The following NICN1 variants were observed in gnomAD, a reference collection of about 807,000 sequenced individuals.
NICN1 encodes the protein nicolin 1, tubulin polyglutamylase complex subunit.
Under a neutral mutation model 26.3 loss-of-function variants are expected in NICN1, and 18 were observed. The ratio of observed to expected loss-of-function variants is 0.68; its 90% confidence interval spans 0.47 to 1.01. The LOEUF is 1.01. Ranked by LOEUF, NICN1 falls within the 50% of genes least tolerant of loss-of-function variation. The probability of loss-of-function intolerance (pLI) is 0.00; values close to 1 mark genes in which losing one functional copy is unlikely to be tolerated. For synonymous variants in NICN1, 109 were observed against 111.0 expected (o/e 0.98, Z 0.11); for missense variants, 239 against 278.3 (o/e 0.86, Z 1.00).
chr3:49,428,115 G>A (rs1277575888), intron 1 of NICN1, among the ~76,000 whole-genome samples: 1 of 152,084 alleles, frequency 6.6e-6, no homozygotes, highest in African/African-American at 2.4e-5. Flanking sequence ...AGCTACTTGG[G>A]AGGCTGAGGC....
Position 49,424,532 on chromosome 3 carries a change from T to A in NICN1, c.*301A>T. 1.8e-6 allele frequency: 1 copy of A among 548,148 alleles called. No homozygotes were observed. The highest frequency in any genetic ancestry group is 3.3e-6 in the Non-Finnish European group (1 of 305,058). The allele number at this position is 548,148 out of a possible 1,614,324, so 34.0% of individuals were successfully genotyped here. ...AGCAGGCAGAAGACAGGAATGTGCA[T>A]GTTGCCAGAAGGGGCAGAGGGCACT... On this transcript the variant is annotated 3_prime_UTR_variant, in exon 6 of 6. Transcript: ENST00000273598.
Position 49,426,532 on chromosome 3 carries a change from T to C in NICN1, c.133-104A>G, listed in dbSNP as rs893980058. On this transcript the variant is annotated intron_variant, in intron 1 of 5. Coordinates refer to ENST00000273598, the MANE Select transcript of NICN1 (RefSeq NM_032316.3). The stretch of plus-strand genomic sequence containing the variant: ...CTCTTCCTTCTCCCCACCTTTTCTT[T>C]TTTTTTTTTTTTTGAGAGGAAATCT... 2.5e-5 allele frequency: 16 copies of C among 652,956 alleles called. No homozygotes were observed. The Admixed American group carries it at 3.5e-4, about 14-fold the overall frequency. 40.4% of individuals were successfully genotyped at this position (652,956 alleles called of 1,614,324 possible).
intron 1 of NICN1, among the ~76,000 whole-genome samples, chr3:49,427,214 G>A (rs973972777): frequency 1.3e-5 from 2 of 151,936 alleles, no homozygotes; most frequent in African/African-American, 4.8e-5. Flanking sequence ...CCAGCTACTC[G>A]GGAGGCTGAG....
chr3:49,426,425 G>A lies in NICN1; in HGVS notation c.136C>T (p.Gln46Ter). The A allele has an allele frequency of 6.2e-7, 1 of 1,613,804 alleles. No homozygotes were observed. Among genetic ancestry groups the A allele is most frequent in the Non-Finnish European group, 8.5e-7 (1 of 1,179,840 alleles). The change falls in exon 2 of 6, where the codon CAG becomes TAG. Residue 46 changes from glutamine to a stop codon, truncating the protein, a stop_gained. Transcript: ENST00000273598. LOFTEE classifies it high-confidence loss of function. ...TFPSVAPFEL[Q>*]EITFKNYYTA... is the part of the protein sequence containing the mutation. The stretch of plus-strand genomic sequence containing the variant: ...TAGTAATTCTTAAACGTGATTTCCT[G>A]CAACTAGAACACATACAACCCATTA...
intron 1 of NICN1, 44 bp downstream of exon 1, chr3:49,429,064 G>T (rs2049197680): frequency 6.5e-7 from 1 of 1,536,690 alleles, no homozygotes. Context: ...ATTCCAGGTC[G>T]GCCCCGCCCG....
chr3:49,426,225 C>A lies in NICN1; in HGVS notation c.309+27G>T. 3 of 1,610,314 alleles carry A rather than the reference C, an allele frequency of 1.9e-6. No homozygotes were observed. The East Asian group carries it at 6.7e-5, about 36-fold the overall frequency. On this transcript the variant is annotated intron_variant, in intron 2 of 5. Coordinates refer to ENST00000273598, the MANE Select transcript of NICN1 (RefSeq NM_032316.3). ...CTCTGGTAAGTCCTCATCTGGGCTG[C>A]CCTGGCCATCCTGAGGCCCAGCTGA... is the stretch of plus-strand genomic sequence containing the variant.
At chr3:49,428,128 G>A (rs1308225160) in intron 1 of NICN1, among the ~76,000 whole-genome samples, 1 of 151,958 alleles carries the variant, frequency 6.6e-6, no homozygotes, top group Non-Finnish European at 1.5e-5. Context: ...GCTGAGGCAG[G>A]ATAATTGCCT....
intron 2 of NICN1, 74 bp from the exon 3 acceptor site, chr3:49,426,070 G>A (rs1001443033): frequency 1.7e-6 from 2 of 1,164,616 alleles, no homozygotes; most frequent in African/African-American, 3.0e-5. Flanking sequence ...CAATGAGCCA[G>A]AATGCTGCCC....
At position 49,422,936 on chromosome 3, in the gene NICN1, C is replaced by G; in HGVS notation, c.*1897G>C. On this transcript the variant is annotated 3_prime_UTR_variant, in exon 6 of 6. Transcript: ENST00000273598. The stretch of plus-strand genomic sequence containing the variant: ...TCTCCCACCAGGCAGACACAGGCAG[C>G]CAGCAGTCATGCATTCCACAAGTAT... 3.5e-6 allele frequency: 1 copy of G among 287,524 alleles called. No individual in the cohort carries two copies. Among genetic ancestry groups the G allele is most frequent in the Non-Finnish European group, 7.0e-6 (1 of 143,506 alleles). 17.8% of individuals were successfully genotyped at this position (287,524 alleles called of 1,614,324 possible).
At position 49,426,424 on chromosome 3, in the gene NICN1, T is replaced by G. The variant is rs2107942282; in HGVS notation, c.137A>C (p.Gln46Pro). Residue 46 changes from glutamine (Q) to proline (P), a missense_variant, in exon 2 of 6, where the codon CAG becomes CCG. Physicochemically the swap from Gln to Pro is moderately conservative, Grantham distance 76 (BLOSUM62 -1). Transcript: ENST00000273598. ...GTAGTAATTCTTAAACGTGATTTCC[T>G]GCAACTAGAACACATACAACCCATT... Reference protein sequence around the residue: ...TFPSVAPFELQEITFKNYYTA... With the variant: ...TFPSVAPFELPEITFKNYYTA... The G allele has an allele frequency of 6.2e-7, 1 of 1,613,876 alleles. No homozygotes were observed. The highest frequency in any genetic ancestry group is 8.5e-7 in the Non-Finnish European group (1 of 1,179,846).
chr3:49,426,781 C>T (rs1431155580), intron 1 of NICN1, among the ~76,000 whole-genome samples: 1 of 152,140 alleles, frequency 6.6e-6, no homozygotes, highest in Non-Finnish European at 1.5e-5. Flanking sequence ...CCACCTGCCT[C>T]TTCCCCTTTC....
intron 1 of NICN1, among the ~76,000 whole-genome samples, chr3:49,427,337 A>G (rs1181603318): frequency 3.3e-5 from 5 of 150,860 alleles, no homozygotes; most frequent in Non-Finnish European, 5.9e-5. Context: ...AAAAAAAAAA[A>G]GAGATGTAGA....
In NICN1 at chr3:49,425,206, C is replaced by T. The variant is rs112815701; in HGVS notation, c.496-153G>A. ...ACATGAGGTTAGGGCCTGATGTAGC[C>T]CCACAACAGAGATGCCTCAAATCCC... On this transcript the variant is annotated intron_variant, in intron 4 of 5. Coordinates refer to ENST00000273598, the MANE Select transcript of NICN1 (RefSeq NM_032316.3). 5.1e-5 allele frequency: 42 copies of T among 817,164 alleles called. 2 individuals carry two copies. Among genetic ancestry groups the T allele is most frequent in the African/African-American group, 3.7e-4 (22 of 59,012 alleles). 50.6% of individuals were successfully genotyped at this position (817,164 alleles called of 1,614,324 possible).
In NICN1 at chr3:49,429,295, C is replaced by G. The variant is rs1389857998; in HGVS notation, c.-56G>C. On this transcript the variant is annotated 5_prime_UTR_variant, in exon 1 of 6. Coordinates refer to ENST00000273598, the MANE Select transcript of NICN1 (RefSeq NM_032316.3). ...CCGCTCTAGGCCCCCGACCACCAGC[C>G]CTTCCCGGCATCCTCAGCCGAGCCT... 6.6e-7 allele frequency: 1 copy of G among 1,522,828 alleles called. No individual in the cohort carries two copies. The highest frequency in any genetic ancestry group is 8.8e-7 in the Non-Finnish European group (1 of 1,130,426). The allele number at this position is 1,522,828 out of a possible 1,614,324, so 94.3% of individuals were successfully genotyped here.
intron 1 of NICN1, among the ~76,000 whole-genome samples, chr3:49,428,068 A>T (rs545939368): frequency 1.5e-4 from 23 of 151,876 alleles, no homozygotes; most frequent in Non-Finnish European, 3.1e-4. Flanking sequence ...AAAATACAAA[A>T]ATTTAGCCGG....
In NICN1 at chr3:49,429,218, A is replaced by C. The variant is rs2049199409; in HGVS notation, c.22T>G (p.Cys8Gly). The change falls in exon 1 of 6, where the codon TGC (cysteine) becomes GGC (glycine). Residue 8 changes from cysteine (C) to glycine (G), a missense_variant. Coordinates refer to ENST00000273598, the MANE Select transcript of NICN1 (RefSeq NM_032316.3). ...AGGGCTACGGAGCCTTTCACATGGC[A>C]AGGCACCAAAACGCGGGACATGGTG... MSRVLVP[C>G]HVKGSVALQV... 1 of 1,607,018 alleles carries C rather than the reference A, an allele frequency of 6.2e-7. No homozygotes were observed. The highest frequency in any genetic ancestry group is 1.3e-5 in the African/African-American group (1 of 74,372).
In NICN1 at chr3:49,429,232, C is replaced by T. The variant is rs1300459614; in HGVS notation, c.8G>A (p.Arg3His). The change falls in exon 1 of 6, where the codon CGC becomes CAC. Residue 3 changes from arginine to histidine, a missense_variant. Physicochemically the swap from Arg to His is conservative, Grantham distance 29. Coordinates refer to ENST00000273598, the MANE Select transcript of NICN1 (RefSeq NM_032316.3). ...TTTCACATGGCAAGGCACCAAAACG[C>T]GGGACATGGTGACAGCAGCCGCAAC... is the stretch of plus-strand genomic sequence containing the variant. Reference protein sequence around the residue: MSRVLVPCHVKGS... With the variant: MSHVLVPCHVKGS... 44 of 1,604,396 alleles carry T rather than the reference C, an allele frequency of 2.7e-5. 1 individual carries two copies. Among genetic ancestry groups the T allele is most frequent in the South Asian group, 4.4e-5 (4 of 90,294 alleles).
At position 49,429,200 on chromosome 3, in the gene NICN1, C is replaced by A. The variant is rs371055267; in HGVS notation, c.40G>T (p.Val14Leu). 2.5e-6 allele frequency: 4 copies of A among 1,610,288 alleles called. No homozygotes were observed. The highest frequency in any genetic ancestry group is 2.5e-6 in the Non-Finnish European group (3 of 1,178,408). ...CGCACGTCGCCCACCTGGAGGGCTA[C>A]GGAGCCTTTCACATGGCAAGGCACC... is the stretch of plus-strand genomic sequence containing the variant. ...VLVPCHVKGS[V>L]ALQVGDVRTS... The change falls in exon 1 of 6, where the codon GTA becomes TTA. Residue 14 changes from valine (V) to leucine (L), a missense_variant. By Grantham distance (32) the Val-to-Leu change is conservative. Transcript: ENST00000273598.
rs142763571 is a variant in NICN1 at position 49,423,055 on chromosome 3, A to G, written c.*1778T>C. On this transcript the variant is annotated 3_prime_UTR_variant, in exon 6 of 6. Transcript: ENST00000273598. ...ACCACAAGGTCCTCTTCACTTACAC[A>G]CACACTGAGGACTACTGCTTCGTCA... 436 of 190,950 alleles carry G rather than the reference A, an allele frequency of 2.3e-3. 3 individuals are homozygous for G. Among genetic ancestry groups the G allele is most frequent in the African/African-American group, 9.5e-3 (403 of 42,612 alleles). The allele number at this position is 190,950 out of a possible 1,614,324, so 11.8% of individuals were successfully genotyped here.
Sources: gnomAD v4.1 joint callset for allele counts (sites outside exome capture counted in the v4.1 genomes callset) on GRCh38, gnomAD v4.1.1 for gene constraint, MANE v1.5 for transcripts, NCBI Gene and HGNC (gene_info 2026-07-23, HGNC 2026-07-21) for gene names.